Variants in GNAQ observed in about 807,000 individuals in gnomAD.
The protein encoded by GNAQ is guanine nucleotide-binding protein G(q) subunit alpha.
In GNAQ, 8 loss-of-function variants were observed where a neutral mutation model predicts 43.9. That is an observed-to-expected ratio of 0.18 (90% CI 0.11 to 0.33). The LOEUF (loss-of-function observed/expected upper bound fraction) is 0.33, where lower values mean the gene tolerates loss of function less well. Among genes scored for constraint, GNAQ ranks in the 10% least tolerant of loss-of-function variants. The probability of loss-of-function intolerance (pLI) is 1.00; values close to 1 mark genes in which losing one functional copy is unlikely to be tolerated. For missense variants in GNAQ, 158 were observed against 450.8 expected (o/e 0.35, Z 5.88); for synonymous variants, 155 against 170.7 (o/e 0.91, Z 0.71).
intron 2 of GNAQ, among the ~76,000 whole-genome samples, chr9:77,849,224 A>G (rs993377352): frequency 2.0e-5 from 3 of 152,230 alleles, no homozygotes; most frequent in African/African-American, 7.2e-5. Flanking sequence ...AAGGTTTTCC[A>G]GAAAGCAACA....
At chr9:77,898,267 C>T (rs1828535100) in intron 2 of GNAQ, among the ~76,000 whole-genome samples, 1 of 152,164 alleles carries the variant, frequency 6.6e-6, no homozygotes, top group Admixed American at 6.5e-5. Flanking sequence ...TCTCCAATAG[C>T]TTTTGGGCTC....
At chr9:77,872,388 G>A (rs1483090260) in intron 2 of GNAQ, among the ~76,000 whole-genome samples, 1 of 152,108 alleles carries the variant, frequency 6.6e-6, no homozygotes, top group African/African-American at 2.4e-5. Flanking sequence ...CTCAACTGTG[G>A]CTTTCCCTTC....
At chr9:77,775,530 C>T (rs376807480) in intron 5 of GNAQ, among the ~76,000 whole-genome samples, 37 of 152,058 alleles carry the variant, frequency 2.4e-4, no homozygotes, top group African/African-American at 7.0e-4. Flanking sequence ...CTGCCTCAGC[C>T]TCCCGAGTAG....
At chr9:77,934,683 T>A (rs965670537) in intron 1 of GNAQ, among the ~76,000 whole-genome samples, 2 of 152,208 alleles carry the variant, frequency 1.3e-5, no homozygotes, top group African/African-American at 4.8e-5. Flanking sequence ...GTTCCAAGTG[T>A]GCCTAATACG....
intron 1 of GNAQ, among the ~76,000 whole-genome samples, chr9:77,984,440 G>C (rs149019692): frequency 6.6e-6 from 1 of 152,056 alleles, no homozygotes; most frequent in East Asian, 1.9e-4. Flanking sequence ...GATTACAGGC[G>C]TGAGCCACCA....
intron 1 of GNAQ, among the ~76,000 whole-genome samples, chr9:77,944,176 C>T (rs1019586430): frequency 6.6e-5 from 10 of 151,892 alleles, no homozygotes. Flanking sequence ...TGGCTAATGG[C>T]AATACTAGTA....
chr9:77,812,858 G>A (rs890418938), intron 3 of GNAQ, among the ~76,000 whole-genome samples: 6 of 151,794 alleles, frequency 4.0e-5, no homozygotes, highest in South Asian at 2.1e-4. Flanking sequence ...TTTAGGTGAC[G>A]TATGTCTACA....
At chr9:77,745,604 A>ACG (rs1825716832) in intron 5 of GNAQ, among the ~76,000 whole-genome samples, 1 of 4,612 alleles carries the variant, frequency 2.2e-4, no homozygotes, top group Non-Finnish European at 5.4e-4. Context: ...CAGGTCATGC[A>ACG]CACACACAAA....
At chr9:77,782,947 T>G (rs1222884030) in intron 5 of GNAQ, among the ~76,000 whole-genome samples, 4 of 152,188 alleles carry the variant, frequency 2.6e-5, no homozygotes. Context: ...AAGGGAAAAC[T>G]ATGAAGACAG....
intron 2 of GNAQ, among the ~76,000 whole-genome samples, chr9:77,852,436 CAATGCAT>C (rs1278744839): frequency 6.6e-6 from 1 of 152,184 alleles, no homozygotes; most frequent in African/African-American, 2.4e-5. Flanking sequence ...ATAACCATGG[CAATGCAT>C]AATCAACCTG....
At chr9:77,780,629 T>C (rs1004233415) in intron 5 of GNAQ, among the ~76,000 whole-genome samples, 2 of 151,994 alleles carry the variant, frequency 1.3e-5, no homozygotes, top group African/African-American at 4.8e-5. Flanking sequence ...AAAGGCCCTA[T>C]AGTGAGACTA....
intron 1 of GNAQ, among the ~76,000 whole-genome samples, chr9:77,984,048 GCAAAA>G (rs1276271842): frequency 2.0e-4 from 5 of 24,710 alleles, no homozygotes; most frequent in South Asian, 2.3e-3. Flanking sequence ...ATTTTGGAGA[GCAAAA>G]AAAAAAAAAA....
chr9:77,889,088 C>T (rs1158229909), intron 2 of GNAQ, among the ~76,000 whole-genome samples: 1 of 152,026 alleles, frequency 6.6e-6, no homozygotes, highest in Non-Finnish European at 1.5e-5. Flanking sequence ...TTAGTCATGC[C>T]ATACCTACTG....
intron 3 of GNAQ, among the ~76,000 whole-genome samples, chr9:77,807,656 T>C (rs1019891056): frequency 1.3e-5 from 2 of 152,176 alleles, no homozygotes; most frequent in African/African-American, 4.8e-5. Context: ...GGCCATTGCT[T>C]CACTCAGTAC....
chr9:77,889,447 A>AAAAAAAAAAAAAAAAT (rs1828366462), intron 2 of GNAQ, among the ~76,000 whole-genome samples: 2 of 135,098 alleles, frequency 1.5e-5, no homozygotes, highest in Non-Finnish European at 3.2e-5. Context: ...AAAAAAAAAA[A>AAAAAAAAAAAAAAAAT]ATCCTTAATC....
chr9:77,734,518 TG>T (rs1460535833), intron 5 of GNAQ, among the ~76,000 whole-genome samples: 1 of 95,358 alleles, frequency 1.0e-5, no homozygotes, highest in Non-Finnish European at 3.0e-5. Context: ...ACTGAGGGCC[TG>T]ACAGTCATCT....
chr9:77,789,149 T>C (rs905031658), intron 5 of GNAQ, among the ~76,000 whole-genome samples: 1 of 152,214 alleles, frequency 6.6e-6, no homozygotes, highest in African/African-American at 2.4e-5. Context: ...CATCCAATCC[T>C]TACTGTCCTT....
At chr9:77,855,425 T>C (rs1827737921) in intron 2 of GNAQ, among the ~76,000 whole-genome samples, 1 of 152,150 alleles carries the variant, frequency 6.6e-6, no homozygotes, top group Non-Finnish European at 1.5e-5. Context: ...AGCTGTGTTT[T>C]AAATCGCAGT....
At chr9:77,796,961 C>G (rs532892666) in intron 4 of GNAQ, among the ~76,000 whole-genome samples, 48 of 152,226 alleles carry the variant, frequency 3.2e-4, no homozygotes, top group Non-Finnish European at 5.6e-4. Flanking sequence ...CAACCACAAG[C>G]AAAACTAAGA....
Sources: allele counts gnomAD v4.1 joint callset (sites outside exome capture counted in the v4.1 genomes callset), GRCh38; gene constraint gnomAD v4.1.1; transcripts MANE v1.5; gene names NCBI Gene and HGNC (gene_info 2026-07-23, HGNC 2026-07-21).